The following PAPPA2 variants were observed in gnomAD, a reference collection of about 807,000 sequenced individuals.
PAPPA2 encodes the protein pappalysin-2.
PAPPA2 carries 86 observed loss-of-function variants against 176.4 expected under a neutral mutation model. That is an observed-to-expected ratio of 0.49 (90% CI 0.41 to 0.58). The LOEUF (loss-of-function observed/expected upper bound fraction) is 0.58, where lower values mean the gene tolerates loss of function less well. PAPPA2 is among the 20% of genes least tolerant of loss of function. The pLI, the probability that PAPPA2 is intolerant of heterozygous loss-of-function variation, is 0.00. For missense variants in PAPPA2, 2,073 were observed against 2,256.9 expected (o/e 0.92, Z 1.65); for synonymous variants, 809 against 852.2 (o/e 0.95, Z 0.88).
At chr1:176,789,027 AC>A (rs912521651) in intron 17 of PAPPA2, among the ~76,000 whole-genome samples, 2 of 152,038 alleles carry the variant, frequency 1.3e-5, no homozygotes, top group Non-Finnish European at 2.9e-5. Flanking sequence ...CCTTTTTTGT[AC>A]CCCATCTTAC....
At chr1:176,767,210 G>A (rs1041742852) in intron 15 of PAPPA2, among the ~76,000 whole-genome samples, 2 of 152,220 alleles carry the variant, frequency 1.3e-5, no homozygotes, top group African/African-American at 4.8e-5. Context: ...ATCCACTCGT[G>A]ATAGGTGAAG....
chr1:176,589,489 T>A (rs1234199061), intron 2 of PAPPA2, among the ~76,000 whole-genome samples: 1 of 152,216 alleles, frequency 6.6e-6, no homozygotes, highest in Non-Finnish European at 1.5e-5. Flanking sequence ...GTTTTAAATT[T>A]AGTAAATATA....
Position 176,791,614 on chromosome 1 carries a change from C to T in PAPPA2, c.5020+132C>T. On this transcript the variant is annotated intron_variant, in intron 19 of 22. Transcript: ENST00000367662. ...TGTCGCCCAGGCTGGGGTGCAGTGG[C>T]ACAGTCTCAGCTCACTGCAACCTCC... is the stretch of plus-strand genomic sequence containing the variant. 3.8e-6 allele frequency: 4 copies of T among 1,058,754 alleles called. No homozygotes were observed. The South Asian group carries it at 7.0e-5, about 19-fold the overall frequency. The allele number at this position is 1,058,754 out of a possible 1,614,324, so 65.6% of individuals were successfully genotyped here. A position where few individuals can be genotyped will look rare whatever the true frequency, so the allele number is the denominator to read the frequency against.
chr1:176,817,086 G>T (rs912994987), intron 21 of PAPPA2, among the ~76,000 whole-genome samples: 2 of 152,102 alleles, frequency 1.3e-5, no homozygotes, highest in African/African-American at 4.8e-5. Flanking sequence ...TGTTCTAAGC[G>T]CTAGGGGATC....
chr1:176,559,894 T>G (rs1440784192), intron 2 of PAPPA2, among the ~76,000 whole-genome samples: 1 of 152,234 alleles, frequency 6.6e-6, no homozygotes, highest in Non-Finnish European at 1.5e-5. Context: ...GCATTTTTTA[T>G]TCAACAGAGA....
intron 1 of PAPPA2, among the ~76,000 whole-genome samples, chr1:176,550,959 C>T (rs1650912588): frequency 6.6e-6 from 1 of 152,172 alleles, no homozygotes; most frequent in South Asian, 2.1e-4. Context: ...AAATGGCTGG[C>T]AAACCAGCCA....
intron 13 of PAPPA2, 81 bp downstream of exon 13, chr1:176,739,842 T>A: frequency 6.3e-7 from 1 of 1,581,774 alleles, no homozygotes; most frequent in Non-Finnish European, 8.6e-7. Flanking sequence ...CTGTCTTTTA[T>A]GTTGTCTGGG....
intron 1 of PAPPA2, among the ~76,000 whole-genome samples, chr1:176,530,915 T>G (rs1057483765): frequency 6.6e-6 from 1 of 152,228 alleles, no homozygotes; most frequent in African/African-American, 2.4e-5. Context: ...CTTTTCTTTT[T>G]ATCCCTACAT....
intron 1 of PAPPA2, among the ~76,000 whole-genome samples, chr1:176,467,000 G>T (rs2102459547): frequency 6.6e-6 from 1 of 152,234 alleles, no homozygotes; most frequent in South Asian, 2.1e-4. Context: ...GCTTAATGAT[G>T]GAAATATGTT....
chr1:176,521,211 CAA>C (rs1649201090), intron 1 of PAPPA2, among the ~76,000 whole-genome samples: 1 of 152,080 alleles, frequency 6.6e-6, no homozygotes, highest in African/African-American at 2.4e-5. Flanking sequence ...CATTAAGAAG[CAA>C]AGTTTATTTT....
chr1:176,734,499 C>G (rs1019998368), intron 12 of PAPPA2, among the ~76,000 whole-genome samples: 2 of 151,850 alleles, frequency 1.3e-5, no homozygotes, highest in Admixed American at 1.3e-4. Context: ...TTTAGCCATA[C>G]AAAGGTGGGC....
intron 1 of PAPPA2, among the ~76,000 whole-genome samples, chr1:176,530,318 C>T (rs1649740907): frequency 6.6e-6 from 1 of 152,192 alleles, no homozygotes; most frequent in Non-Finnish European, 1.5e-5. Context: ...AAGCTTAAGA[C>T]TCATCTACTT....
intron 14 of PAPPA2, among the ~76,000 whole-genome samples, chr1:176,764,498 G>A (rs1321749502): frequency 6.6e-6 from 1 of 152,030 alleles, no homozygotes; most frequent in Non-Finnish European, 1.5e-5. Context: ...GATGGGTCCA[G>A]GATTCAATTC....
At chr1:176,554,235 C>T (rs1445823338) in intron 1 of PAPPA2, among the ~76,000 whole-genome samples, 1 of 152,076 alleles carries the variant, frequency 6.6e-6, no homozygotes, top group African/African-American at 2.4e-5. Context: ...AGACTCAAGG[C>T]AGAAGAGGCA....
chr1:176,689,521 C>T (rs944136094), intron 4 of PAPPA2, among the ~76,000 whole-genome samples: 11 of 152,196 alleles, frequency 7.2e-5, no homozygotes, highest in African/African-American at 2.7e-4. Flanking sequence ...GCAGTCTACA[C>T]AGCTGTCATT....
intron 4 of PAPPA2, among the ~76,000 whole-genome samples, chr1:176,679,802 AT>A (rs1250645583): frequency 1.3e-5 from 2 of 152,076 alleles, no homozygotes; most frequent in Non-Finnish European, 2.9e-5. Context: ...AGCAGAAGTC[AT>A]TAGCAAAAGT....
chr1:176,691,278 T>C lies in PAPPA2; in HGVS notation c.2431+848T>C, dbSNP rs138783090. ...TTGGTGACAGGTTCTTCTAGAACTA[T>C]CCAAAAAAGAATAAACCACCACACC... On this transcript the variant is annotated intron_variant, in intron 5 of 22. Transcript: ENST00000367662. The C allele has an allele frequency of 1.8e-4, 121 of 689,330 alleles. 3 individuals are homozygous for C. The East Asian group carries it at 0.015, about 84-fold the overall frequency. 42.7% of individuals were successfully genotyped at this position (689,330 alleles called of 1,614,324 possible). A position where few individuals can be genotyped will look rare whatever the true frequency, so the allele number is the denominator to read the frequency against.
At chr1:176,499,628 A>G (rs768055423) in intron 1 of PAPPA2, among the ~76,000 whole-genome samples, 1 of 151,940 alleles carries the variant, frequency 6.6e-6, no homozygotes, top group Non-Finnish European at 1.5e-5. Context: ...GGGAGGGGAG[A>G]CCATGGTGAA....
chr1:176,827,251 A>G (rs185196758), intron 21 of PAPPA2, among the ~76,000 whole-genome samples: 1 of 152,262 alleles, frequency 6.6e-6, no homozygotes, highest in Admixed American at 6.5e-5. Flanking sequence ...CCTTCAAAAC[A>G]CAGCTTTTAT....
Sources: allele counts gnomAD v4.1 joint callset (sites outside exome capture counted in the v4.1 genomes callset), GRCh38; gene constraint gnomAD v4.1.1; transcripts MANE v1.5; gene names NCBI Gene and HGNC (gene_info 2026-07-23, HGNC 2026-07-21).